The following SDK1 variants were observed in gnomAD, a reference collection of about 807,000 sequenced individuals.
SDK1 encodes protein sidekick-1.
In SDK1, 157 loss-of-function variants were observed where a neutral mutation model predicts 245.5. That is an observed-to-expected ratio of 0.64 (90% confidence interval 0.56 to 0.73). The LOEUF (loss-of-function observed/expected upper bound fraction) is 0.73, where lower values mean the gene tolerates loss of function less well. SDK1 is among the 30% of genes least tolerant of loss of function. The pLI is 0.00. For synonymous variants in SDK1, 1,647 were observed against 1,278.5 expected (o/e 1.29, Z -6.15); for missense variants, 3,583 against 3,002.3 (o/e 1.19, Z -4.52).
chr7:3,487,453 T>G (rs1314018115), intron 1 of SDK1, among the ~76,000 whole-genome samples: 1 of 151,864 alleles, frequency 6.6e-6, no homozygotes, highest in Admixed American at 6.6e-5. Context: ...ATCTTAGAAA[T>G]TGCAATGGCT....
chr7:4,092,799 C>T (rs993422669), intron 22 of SDK1, among the ~76,000 whole-genome samples: 1 of 152,150 alleles, frequency 6.6e-6, no homozygotes, highest in Non-Finnish European at 1.5e-5. Context: ...CAGGAAGGTC[C>T]TAACAGCCAA....
chr7:3,615,849 C>T (rs1157416384), intron 1 of SDK1, among the ~76,000 whole-genome samples: 1 of 143,840 alleles, frequency 7.0e-6, no homozygotes, highest in African/African-American at 2.5e-5. Context: ...ACAACACAAT[C>T]ACACAACCTC....
rs533420764 is a variant in SDK1 at position 4,103,219 on chromosome 7, C to A, written c.3325-7444C>A. Among the ~76,000 whole-genome samples, 28 of 152,226 alleles carry A rather than the reference C, an allele frequency of 1.8e-4. No individual in the cohort carries two copies. The South Asian group carries it at 5.8e-3, about 32-fold the overall frequency. ...GTTTCACCATGTTAGCCAGGATGGT[C>A]TCAATCTCCTGACCTTGTGATCCAC... On this transcript the variant is annotated intron_variant, in intron 22 of 44. Transcript: ENST00000404826.
rs963416113 is a variant in SDK1 at position 3,301,297 on chromosome 7, C to T, written c.-290C>T. Among the ~76,000 whole-genome samples the T allele has an allele frequency of 1.4e-5, 2 of 140,602 alleles. No homozygotes were observed. Among genetic ancestry groups the T allele is most frequent in the African/African-American group, 2.6e-5 (1 of 38,408 alleles). The allele number at this position is 140,602 out of a possible 152,430, so 92.2% of individuals were successfully genotyped here. A position where few individuals can be genotyped will look rare whatever the true frequency, so the allele number is the denominator to read the frequency against. On this transcript the variant is annotated 5_prime_UTR_variant, in exon 1 of 45. Coordinates refer to ENST00000404826, the MANE Select transcript of SDK1 (RefSeq NM_152744.4). ...GGCGGGGGCGGCGGCGGCGGCGGCT[C>T]CTCCGCGCCCGGCGGACCCCTCGGA...
intron 5 of SDK1, among the ~76,000 whole-genome samples, chr7:3,893,046 C>T (rs181454824): frequency 1.3e-5 from 2 of 152,230 alleles, no homozygotes; most frequent in East Asian, 3.9e-4. Context: ...GCCCAGGCAG[C>T]CGTTTACCAG....
chr7:3,500,431 G>C (rs1369300601), intron 1 of SDK1, among the ~76,000 whole-genome samples: 1 of 152,164 alleles, frequency 6.6e-6, no homozygotes, highest in East Asian at 1.9e-4. Context: ...AGAATTCTTG[G>C]TGGGAAATAA....
intron 42 of SDK1, 96 bp from the exon 43 acceptor site, chr7:4,241,697 G>C: frequency 6.7e-7 from 1 of 1,494,214 alleles, no homozygotes; most frequent in Non-Finnish European, 9.2e-7. Context: ...CGTGCAGCAG[G>C]ACTCAGGAGC....
intron 5 of SDK1, among the ~76,000 whole-genome samples, chr7:3,862,258 A>T (rs2115119321): frequency 6.6e-6 from 1 of 152,274 alleles, no homozygotes; most frequent in Non-Finnish European, 1.5e-5. Context: ...TTACATCAGA[A>T]TGTCTGGGGG....
At chr7:3,845,046 G>A (rs1780242483) in intron 5 of SDK1, among the ~76,000 whole-genome samples, 2 of 152,222 alleles carry the variant, frequency 1.3e-5, no homozygotes, top group African/African-American at 4.8e-5. Context: ...GAGCAGAGAG[G>A]CAAAGTGGGT....
At chr7:3,731,123 C>G (rs575617088) in intron 4 of SDK1, among the ~76,000 whole-genome samples, 2 of 152,248 alleles carry the variant, frequency 1.3e-5, no homozygotes, top group East Asian at 1.9e-4. Flanking sequence ...TTCTGCTAGT[C>G]TGCACTCACT....
At chr7:3,550,689 T>C (rs1426370274) in intron 1 of SDK1, among the ~76,000 whole-genome samples, 1 of 152,222 alleles carries the variant, frequency 6.6e-6, no homozygotes, top group East Asian at 1.9e-4. Context: ...CTTGCACTCA[T>C]TAAAATATAA....
chr7:3,670,290 C>T (rs1343191115), intron 4 of SDK1, among the ~76,000 whole-genome samples: 2 of 152,104 alleles, frequency 1.3e-5, no homozygotes, highest in African/African-American at 4.8e-5. Flanking sequence ...TAATTCAGTT[C>T]CTTCCCTTAT....
chr7:3,667,243 A>G (rs559221917), intron 4 of SDK1, among the ~76,000 whole-genome samples: 2 of 152,338 alleles, frequency 1.3e-5, no homozygotes, highest in South Asian at 2.1e-4. Context: ...TATTATAACC[A>G]TATTATTATA....
chr7:3,681,661 C>CTT, intron 4 of SDK1, among the ~76,000 whole-genome samples: 1 of 151,418 alleles, frequency 6.6e-6, no homozygotes, highest in African/African-American at 2.4e-5. Flanking sequence ...AGATCATGTG[C>CTT]TTTTTTTTTA....
Position 4,062,437 on chromosome 7 carries a change from A to G in SDK1, c.2912-5401A>G, listed in dbSNP as rs529421310. ...AGAAACATAAAATCTGAACAGACTAATAATGGGTAATGAGATTGAGTCAGT... is the reference window on the plus strand; with the variant it reads ...AGAAACATAAAATCTGAACAGACTAGTAATGGGTAATGAGATTGAGTCAGT... On this transcript the variant is annotated intron_variant, in intron 19 of 44. Coordinates refer to ENST00000404826, the MANE Select transcript of SDK1 (RefSeq NM_152744.4). 3.3e-5 allele frequency among the ~76,000 whole-genome samples: 5 copies of G among 152,344 alleles called. No individual in the cohort carries two copies. In the South Asian group the frequency reaches 1.0e-3, roughly 32 times the overall value.
At chr7:4,179,673 A>G (rs1238261800) in intron 35 of SDK1, among the ~76,000 whole-genome samples, 1 of 151,928 alleles carries the variant, frequency 6.6e-6, no homozygotes, top group Non-Finnish European at 1.5e-5. Flanking sequence ...GCTTTCCCTC[A>G]GGGATGGACC....
intron 4 of SDK1, among the ~76,000 whole-genome samples, chr7:3,691,594 T>G (rs1299092396): frequency 6.6e-6 from 1 of 151,850 alleles, no homozygotes; most frequent in Admixed American, 6.6e-5. Context: ...GCATGATATT[T>G]TAAAAGGAAA....
At chr7:4,160,536 A>G (rs149827332) in intron 31 of SDK1, among the ~76,000 whole-genome samples, 263 of 152,302 alleles carry the variant, frequency 1.7e-3, no homozygotes, top group African/African-American at 6.0e-3. Flanking sequence ...GTCTTACACT[A>G]TCTAGAGATT....
intron 4 of SDK1, among the ~76,000 whole-genome samples, chr7:3,658,139 T>C (rs1027080060): frequency 1.3e-5 from 2 of 152,148 alleles, no homozygotes; most frequent in African/African-American, 4.8e-5. Context: ...CACAGGACTT[T>C]TACTTTGGTG....
Sources: allele counts gnomAD v4.1 joint callset (sites outside exome capture counted in the v4.1 genomes callset), GRCh38; gene constraint gnomAD v4.1.1; transcripts MANE v1.5; gene names NCBI Gene and HGNC (gene_info 2026-07-23, HGNC 2026-07-21).